Variants in PLCB4 observed in about 807,000 individuals in gnomAD.
The protein encoded by PLCB4 is phospholipase C beta 4.
Under a neutral mutation model 178.8 loss-of-function variants are expected in PLCB4, and 77 were observed. That is an observed-to-expected ratio of 0.43 (90% CI 0.36 to 0.52). The LOEUF is 0.52. PLCB4 is among the 20% of genes least tolerant of loss of function. The probability of loss-of-function intolerance (pLI) is 0.00; values close to 1 mark genes in which losing one functional copy is unlikely to be tolerated. For missense variants in PLCB4, 1,024 were observed against 1,453.4 expected, an observed-to-expected ratio of 0.70 and a Z score of 4.80; for synonymous variants, 496 against 490.8, an observed-to-expected ratio of 1.01 and a Z score of -0.14.
intron 33 of PLCB4, among the ~76,000 whole-genome samples, chr20:9,456,694 G>A (rs1158123123): frequency 6.6e-6 from 1 of 152,194 alleles, no homozygotes; most frequent in Non-Finnish European, 1.5e-5. Context: ...CCATTGAGAA[G>A]TGCTAGATTT....
At chr20:9,116,488 A>G (rs1388578295) in intron 2 of PLCB4, among the ~76,000 whole-genome samples, 2 of 152,160 alleles carry the variant, frequency 1.3e-5, no homozygotes, top group African/African-American at 4.8e-5. Context: ...TGCCTCACCT[A>G]TCCTTATATC....
chr20:9,333,698 A>G (rs1212434786), intron 4 of PLCB4, among the ~76,000 whole-genome samples: 3 of 152,178 alleles, frequency 2.0e-5, no homozygotes, highest in African/African-American at 4.8e-5. Context: ...GAGAAGATCA[A>G]TCCATGGGAG....
At chr20:9,170,989 T>C (rs1050430907) in intron 2 of PLCB4, among the ~76,000 whole-genome samples, 2 of 152,222 alleles carry the variant, frequency 1.3e-5, no homozygotes, top group African/African-American at 2.4e-5. Context: ...AGTGCTCACA[T>C]TGAGTTCTTT....
chr20:9,312,198 C>T (rs767825757), intron 4 of PLCB4, among the ~76,000 whole-genome samples: 64 of 152,102 alleles, frequency 4.2e-4, no homozygotes, highest in Non-Finnish European at 7.9e-4. Context: ...CCACTGACCT[C>T]GTCTTTCCCA....
At chr20:9,262,172 C>T (rs2094304291) in intron 3 of PLCB4, among the ~76,000 whole-genome samples, 1 of 151,992 alleles carries the variant, frequency 6.6e-6, no homozygotes, top group African/African-American at 2.4e-5. Context: ...GATATGGGGA[C>T]CCAAGAACGA....
intron 3 of PLCB4, among the ~76,000 whole-genome samples, chr20:9,294,364 T>C (rs944918311): frequency 2.0e-5 from 3 of 152,036 alleles, no homozygotes; most frequent in African/African-American, 4.8e-5. Flanking sequence ...ACTGGTTTCT[T>C]CTTACTTAAC....
At chr20:9,328,637 A>G (rs749130989) in intron 4 of PLCB4, among the ~76,000 whole-genome samples, 10 of 152,198 alleles carry the variant, frequency 6.6e-5, no homozygotes, top group Non-Finnish European at 1.5e-4. Flanking sequence ...CCACTCCTGA[A>G]CACTGTCAGT....
chr20:9,340,818 C>G (rs1020111063), intron 7 of PLCB4, among the ~76,000 whole-genome samples: 1 of 152,056 alleles, frequency 6.6e-6, no homozygotes, highest in Non-Finnish European at 1.5e-5. Flanking sequence ...AATATCTGCT[C>G]TTAGGATGAT....
intron 22 of PLCB4, among the ~76,000 whole-genome samples, chr20:9,408,293 G>C (rs1181685362): frequency 1.3e-5 from 2 of 152,042 alleles, no homozygotes; most frequent in Non-Finnish European, 2.9e-5. Flanking sequence ...GTTAGTGCTG[G>C]GCATGTAGCT....
At chr20:9,206,558 G>A (rs2093618090) in intron 2 of PLCB4, among the ~76,000 whole-genome samples, 1 of 151,866 alleles carries the variant, frequency 6.6e-6, no homozygotes, top group Admixed American at 6.6e-5. Flanking sequence ...TATGAAGGAG[G>A]GAAGAAACAG....
intron 35 of PLCB4, 104 bp downstream of exon 35, chr20:9,459,914 T>C (rs181723253): frequency 1.4e-6 from 1 of 695,806 alleles, no homozygotes; most frequent in East Asian, 2.7e-5. Flanking sequence ...CAATTTGACG[T>C]ACAACATGTA....
At chr20:9,117,912 T>G (rs2091833989) in intron 2 of PLCB4, among the ~76,000 whole-genome samples, 2 of 152,194 alleles carry the variant, frequency 1.3e-5, no homozygotes, top group African/African-American at 4.8e-5. Context: ...TCTTTTCTCT[T>G]ACTTTATTTT....
chr20:9,215,681 G>T lies in PLCB4; in HGVS notation c.-78-1709G>T, dbSNP rs56252610. Among the ~76,000 whole-genome samples the T allele has an allele frequency of 8.0e-3, 1,211 of 152,156 alleles. 16 individuals carry two copies. The highest frequency in any genetic ancestry group is 0.026 in the African/African-American group (1,087 of 41,502). Reference sequence around the variant, plus strand: ...CTTCATGGTAAAATATTACATAATGGTTAAATGTTAGGTTAAAATCAAAGA... The same window carrying T: ...CTTCATGGTAAAATATTACATAATGTTTAAATGTTAGGTTAAAATCAAAGA... On this transcript the variant is annotated intron_variant, in intron 2 of 39. Coordinates refer to ENST00000378473, the MANE Select transcript of PLCB4 (RefSeq NM_001377142.1).
intron 3 of PLCB4, among the ~76,000 whole-genome samples, chr20:9,301,159 GAAT>G (rs2147827500): frequency 6.6e-6 from 1 of 151,722 alleles, no homozygotes; most frequent in South Asian, 2.1e-4. Context: ...GGATGATCCA[GAAT>G]AATCTCCCCA....
intron 2 of PLCB4, among the ~76,000 whole-genome samples, chr20:9,196,854 A>G (rs759578023): frequency 1.3e-5 from 2 of 152,206 alleles, no homozygotes; most frequent in Non-Finnish European, 2.9e-5. Context: ...GGTATAGCTC[A>G]TGATTAGATT....
chr20:9,327,775 C>T (rs1021696593), intron 4 of PLCB4, among the ~76,000 whole-genome samples: 16 of 150,340 alleles, frequency 1.1e-4, no homozygotes, highest in African/African-American at 1.7e-4. Context: ...GACTCCATCT[C>T]GAAAAAAAAA....
At chr20:9,279,048 G>A (rs758219122) in intron 3 of PLCB4, among the ~76,000 whole-genome samples, 21 of 151,988 alleles carry the variant, frequency 1.4e-4, no homozygotes, top group Non-Finnish European at 2.1e-4. Context: ...AGACAGATAC[G>A]TTGTATGTTG....
intron 2 of PLCB4, among the ~76,000 whole-genome samples, chr20:9,158,212 C>T (rs1478442414): frequency 6.6e-6 from 1 of 152,046 alleles, no homozygotes; most frequent in Non-Finnish European, 1.5e-5. Context: ...CATACAGATA[C>T]CATCTGCATG....
At chr20:9,090,157 A>G (rs1054918910) in intron 1 of PLCB4, among the ~76,000 whole-genome samples, 3 of 152,118 alleles carry the variant, frequency 2.0e-5, no homozygotes, top group East Asian at 1.9e-4. Context: ...GATTGAACAC[A>G]TTGAAAAATA....
Sources: allele counts gnomAD v4.1 joint callset (sites outside exome capture counted in the v4.1 genomes callset), GRCh38; gene constraint gnomAD v4.1.1; transcripts MANE v1.5; gene names NCBI Gene and HGNC (gene_info 2026-07-23, HGNC 2026-07-21).